The following TMEM65 variants were observed in gnomAD, a reference collection of about 807,000 sequenced individuals.
The protein encoded by TMEM65 is transmembrane protein 65.
TMEM65 carries 22 observed loss-of-function variants against 25.4 expected under a neutral mutation model. The ratio of observed to expected loss-of-function variants is 0.86; its 90% CI spans 0.62 to 1.23. TMEM65 has a LOEUF of 1.23. Among genes scored for constraint, TMEM65 ranks in the 50% most tolerant of loss-of-function variants. The pLI, the probability that TMEM65 is intolerant of heterozygous loss-of-function variation, is 0.00. For missense variants in TMEM65, 262 were observed against 308.2 expected, an observed-to-expected ratio of 0.85 and a Z score of 1.12; for synonymous variants, 132 against 126.2, an observed-to-expected ratio of 1.05 and a Z score of -0.31.
chr8:124,346,470 C>T (rs550480527), intron 1 of TMEM65, among the ~76,000 whole-genome samples: 3 of 151,970 alleles, frequency 2.0e-5, no homozygotes, highest in East Asian at 1.9e-4. Flanking sequence ...TGACTCTTAA[C>T]GTGATATTTC....
At chr8:124,323,628 A>AAT (rs1814332919) in intron 3 of TMEM65, among the ~76,000 whole-genome samples, 1 of 152,134 alleles carries the variant, frequency 6.6e-6, no homozygotes, top group African/African-American at 2.4e-5. Context: ...CACATGTAGA[A>AAT]ATATAGTTCA....
intron 1 of TMEM65, among the ~76,000 whole-genome samples, chr8:124,343,199 T>A (rs1814601244): frequency 2.0e-5 from 3 of 152,110 alleles, no homozygotes; most frequent in Admixed American, 2.0e-4. Flanking sequence ...CTTGATGGCC[T>A]TGGTCAAAGG....
intron 1 of TMEM65, among the ~76,000 whole-genome samples, chr8:124,345,465 A>G (rs1252707939): frequency 3.9e-5 from 6 of 152,340 alleles, no homozygotes; most frequent in Admixed American, 1.3e-4. Flanking sequence ...AAAGCAATAG[A>G]TTTTAGTAAA....
chr8:124,372,225 A>T lies in TMEM65; in HGVS notation c.-68T>A. 1.7e-6 allele frequency: 2 copies of T among 1,205,868 alleles called. No individual in the cohort carries two copies. The highest frequency in any genetic ancestry group is 2.1e-6 in the Non-Finnish European group (2 of 961,730). 74.7% of individuals were successfully genotyped at this position (1,205,868 alleles called of 1,614,324 possible). On this transcript the variant is annotated 5_prime_UTR_variant, in exon 1 of 7. Coordinates refer to ENST00000297632, the MANE Select transcript of TMEM65 (RefSeq NM_194291.3). ...CGGTTTCTGGCGCGGCTGAGGCGAG[A>T]AGGAGCTGGGCTCAGCTCGACCCCG...
At position 124,353,114 on chromosome 8, in the gene TMEM65, G is replaced by C. The variant is rs190371757; in HGVS notation, c.304+18740C>G. On this transcript the variant is annotated intron_variant, in intron 1 of 6. Coordinates refer to ENST00000297632, the MANE Select transcript of TMEM65 (RefSeq NM_194291.3). ...TGCACTCCAGCCTAGGTGACAGAGGGAGACTCTGTCTCAAAAAAAAACAAA... is the reference window on the plus strand; with the variant it reads ...TGCACTCCAGCCTAGGTGACAGAGGCAGACTCTGTCTCAAAAAAAAACAAA... 2.9e-3 allele frequency among the ~76,000 whole-genome samples: 442 copies of C among 151,828 alleles called. 2 individuals are homozygous for C. Among genetic ancestry groups the C allele is most frequent in the Non-Finnish European group, 4.9e-3 (330 of 67,954 alleles).
chr8:124,312,441 T>G lies in TMEM65; in HGVS notation c.*1519A>C, dbSNP rs1194390866. On this transcript the variant is annotated 3_prime_UTR_variant, in exon 7 of 7. Transcript: ENST00000297632. ...CTGCCTTGTGAAAAAATATCTACTC[T>G]GAAGAGTTCAAAGTAATTATGTATA... 6.6e-6 allele frequency: 1 copy of G among 151,992 alleles called. No homozygotes were observed. Among genetic ancestry groups the G allele is most frequent in the Admixed American group, 6.6e-5 (1 of 15,252 alleles). 9.4% of individuals were successfully genotyped at this position (151,992 alleles called of 1,614,324 possible). A position where few individuals can be genotyped will look rare whatever the true frequency, so the allele number is the denominator to read the frequency against.
At chr8:124,337,415 A>G (rs570354356) in intron 1 of TMEM65, among the ~76,000 whole-genome samples, 3 of 152,132 alleles carry the variant, frequency 2.0e-5, no homozygotes, top group East Asian at 3.9e-4. Context: ...TTTCCGAAGT[A>G]TAAGAGTTTA....
rs565724867 is a variant in TMEM65 at position 124,363,559 on chromosome 8, C to A, written c.304+8295G>T. On this transcript the variant is annotated intron_variant, in intron 1 of 6. Coordinates refer to ENST00000297632, the MANE Select transcript of TMEM65 (RefSeq NM_194291.3). ...CTCCATAATACCTGATGTAGACATC[C>A]ATGTAAAACAAGAAGCGCCTGTAAT... 5.3e-5 allele frequency among the ~76,000 whole-genome samples: 8 copies of A among 151,924 alleles called. No homozygotes were observed. In the South Asian group the frequency reaches 1.7e-3, roughly 32 times the overall value.
chr8:124,342,408 G>T (rs1381781580), intron 1 of TMEM65, among the ~76,000 whole-genome samples: 2 of 151,994 alleles, frequency 1.3e-5, no homozygotes, highest in African/African-American at 2.4e-5. Flanking sequence ...AGCAGAACAA[G>T]AATTAATTAA....
rs920834105 is a variant in TMEM65, at chr8:124,311,395, T to TA, written c.*2564dup. On this transcript the variant is annotated 3_prime_UTR_variant, in exon 7 of 7. Coordinates refer to ENST00000297632, the MANE Select transcript of TMEM65 (RefSeq NM_194291.3). ...AATCAAAACCACATTCCAAATTTCT[T>TA]AAAAGATACTTTTTTTGTTCAATTC... is the stretch of plus-strand genomic sequence containing the variant. The TA allele has an allele frequency of 1.0e-4, 16 of 152,774 alleles. No individual in the cohort carries two copies. Among genetic ancestry groups the TA allele is most frequent in the African/African-American group, 3.4e-4 (14 of 41,588 alleles). 9.5% of individuals were successfully genotyped at this position (152,774 alleles called of 1,614,324 possible).
chr8:124,320,528 C>A (rs892561809), intron 5 of TMEM65, among the ~76,000 whole-genome samples: 1 of 152,094 alleles, frequency 6.6e-6, no homozygotes, highest in African/African-American at 2.4e-5. Flanking sequence ...AGGTATGTAA[C>A]AATTTGTACA....
chr8:124,370,962 T>C (rs552307428), intron 1 of TMEM65, among the ~76,000 whole-genome samples: 2 of 152,244 alleles, frequency 1.3e-5, no homozygotes, highest in African/African-American at 2.4e-5. Flanking sequence ...TTTTAAGACA[T>C]CCATTTTAGT....
At chr8:124,367,991 T>C (rs1218072725) in intron 1 of TMEM65, among the ~76,000 whole-genome samples, 9 of 152,242 alleles carry the variant, frequency 5.9e-5, no homozygotes, top group Non-Finnish European at 1.0e-4. Context: ...AACAAAAATA[T>C]TCCCTAAGAG....
chr8:124,361,652 G>A (rs1022956836), intron 1 of TMEM65, among the ~76,000 whole-genome samples: 2 of 151,276 alleles, frequency 1.3e-5, no homozygotes, highest in African/African-American at 2.4e-5. Context: ...GGCCAACAAG[G>A]TGAAAACCCC....
intron 1 of TMEM65, among the ~76,000 whole-genome samples, chr8:124,364,710 T>C (rs1181276500): frequency 2.6e-5 from 4 of 152,196 alleles, no homozygotes; most frequent in Non-Finnish European, 5.9e-5. Flanking sequence ...AACCTCTTAT[T>C]TACTCTTACC....
chr8:124,319,328 T>G (rs542997628), intron 6 of TMEM65, among the ~76,000 whole-genome samples: 4 of 152,110 alleles, frequency 2.6e-5, no homozygotes, highest in Admixed American at 1.3e-4. Context: ...TCATGATCCA[T>G]CCAGTTTACT....
rs1195561016 is a variant in TMEM65 at position 124,307,318 on chromosome 8, A to T, written c.*6642T>A. ...CAAGGGACCCATATGAAGTCCCGCT[A>T]GTGACGCTGGAAGTGCTCCCAAGGA... On this transcript the variant is annotated 3_prime_UTR_variant, in exon 7 of 7. Coordinates refer to ENST00000297632, the MANE Select transcript of TMEM65 (RefSeq NM_194291.3). The T allele has an allele frequency of 1.3e-5, 2 of 152,312 alleles. No individual in the cohort carries two copies. The highest frequency in any genetic ancestry group is 3.9e-4 in the East Asian group (2 of 5,182). 9.4% of individuals were successfully genotyped at this position (152,312 alleles called of 1,614,324 possible). A position where few individuals can be genotyped will look rare whatever the true frequency, so the allele number is the denominator to read the frequency against.
At chr8:124,319,541 CCTCTT>C (rs1000877597) in intron 6 of TMEM65, among the ~76,000 whole-genome samples, 3 of 151,864 alleles carry the variant, frequency 2.0e-5, no homozygotes, top group Non-Finnish European at 4.4e-5. Context: ...TTTTTATCAT[CCTCTT>C]CTAATTGCTA....
intron 1 of TMEM65, among the ~76,000 whole-genome samples, chr8:124,346,885 G>A (rs1814645757): frequency 6.6e-6 from 1 of 152,100 alleles, no homozygotes; most frequent in Non-Finnish European, 1.5e-5. Context: ...ATGAATAACT[G>A]CTTAGTCCTT....
Sources: gnomAD v4.1 joint callset for allele counts (sites outside exome capture counted in the v4.1 genomes callset) on GRCh38, gnomAD v4.1.1 for gene constraint, MANE v1.5 for transcripts, NCBI Gene and HGNC (gene_info 2026-07-23, HGNC 2026-07-21) for gene names.